Variants in CNBD1 observed in about 807,000 individuals in gnomAD.
CNBD1 encodes the protein cyclic nucleotide binding domain containing 1, also known as cyclic nucleotide-binding domain-containing protein 1.
In CNBD1, 71 loss-of-function variants were observed where a neutral mutation model predicts 54.4. The ratio of observed to expected loss-of-function variants is 1.30; its 90% CI spans 1.08 to 1.59. CNBD1 has a LOEUF of 1.59. CNBD1 is among the 40% of genes most tolerant of loss of function. CNBD1 has a pLI of 0.00. For missense variants in CNBD1, 659 were observed against 518.0 expected (o/e 1.27, Z -2.64); for synonymous variants, 182 against 170.7 (o/e 1.07, Z -0.51).
chr8:87,371,509 C>T (rs1012116177), intron 10 of CNBD1, among the ~76,000 whole-genome samples: 5 of 151,884 alleles, frequency 3.3e-5, no homozygotes, highest in African/African-American at 1.2e-4. Flanking sequence ...CATCCTGATA[C>T]CAAAGCCAGG....
chr8:87,200,757 C>T (rs1813842794), intron 4 of CNBD1, among the ~76,000 whole-genome samples: 2 of 151,976 alleles, frequency 1.3e-5, no homozygotes, highest in South Asian at 4.2e-4. Flanking sequence ...ATTAAATTGC[C>T]AAGTAAAGAA....
intron 4 of CNBD1, among the ~76,000 whole-genome samples, chr8:86,987,014 A>G (rs1303665974): frequency 2.6e-5 from 4 of 152,314 alleles, no homozygotes; most frequent in Non-Finnish European, 5.9e-5. Context: ...TTGCATATAA[A>G]TTCTAGAATA....
chr8:86,965,268 G>A (rs1041771874), intron 4 of CNBD1, among the ~76,000 whole-genome samples: 3 of 152,154 alleles, frequency 2.0e-5, no homozygotes, highest in African/African-American at 7.2e-5. Flanking sequence ...TCCTAGCGCG[G>A]ACACCCTAAT....
chr8:87,249,847 A>G (rs7013463), intron 6 of CNBD1, among the ~76,000 whole-genome samples: 1,817 of 152,280 alleles, frequency 0.012, 18 homozygotes, highest in Middle Eastern at 0.031. Context: ...GGACCCTTGA[A>G]CTTAAATATA....
chr8:87,254,637 C>G (rs1807976567), intron 6 of CNBD1, among the ~76,000 whole-genome samples: 1 of 152,084 alleles, frequency 6.6e-6, no homozygotes, highest in South Asian at 2.1e-4. Flanking sequence ...ATTTGGAACC[C>G]TCATTCATTA....
chr8:87,338,255 T>C (rs971556131), intron 8 of CNBD1, among the ~76,000 whole-genome samples: 1 of 152,222 alleles, frequency 6.6e-6, no homozygotes. Flanking sequence ...TAAGCATAAA[T>C]ATCTATTATC....
intron 5 of CNBD1, among the ~76,000 whole-genome samples, chr8:87,228,943 T>C (rs1278771804): frequency 6.6e-6 from 1 of 152,148 alleles, no homozygotes; most frequent in Non-Finnish European, 1.5e-5. Flanking sequence ...AATCTCATGG[T>C]GCGCCGTTTT....
intron 8 of CNBD1, among the ~76,000 whole-genome samples, chr8:87,302,472 A>C (rs1809026686): frequency 6.6e-6 from 1 of 151,972 alleles, no homozygotes. Flanking sequence ...TAAATTAGGT[A>C]TTGATGGGAC....
intron 4 of CNBD1, among the ~76,000 whole-genome samples, chr8:87,152,781 C>G (rs1440660802): frequency 6.6e-6 from 1 of 151,960 alleles, no homozygotes; most frequent in Non-Finnish European, 1.5e-5. Flanking sequence ...GTTTTAAAAA[C>G]AAAAGGAAAT....
chr8:87,098,214 A>G (rs894201086), intron 4 of CNBD1, among the ~76,000 whole-genome samples: 1 of 152,256 alleles, frequency 6.6e-6, no homozygotes, highest in African/African-American at 2.4e-5. Flanking sequence ...GTCTAGGCAC[A>G]AGTAAGTCTG....
chr8:87,371,605 T>G (rs1269290770), intron 10 of CNBD1, among the ~76,000 whole-genome samples: 1 of 151,964 alleles, frequency 6.6e-6, no homozygotes, highest in Non-Finnish European at 1.5e-5. Flanking sequence ...ACTGGCAAAC[T>G]GAATCCAGCA....
intron 3 of CNBD1, among the ~76,000 whole-genome samples, chr8:86,914,711 T>G (rs1026749364): frequency 6.6e-6 from 1 of 151,874 alleles, no homozygotes; most frequent in Non-Finnish European, 1.5e-5. Context: ...AAATCTTGAA[T>G]GATATCTACC....
intron 4 of CNBD1, among the ~76,000 whole-genome samples, chr8:86,978,353 C>T (rs1023862611): frequency 3.9e-5 from 6 of 151,970 alleles, no homozygotes; most frequent in African/African-American, 1.4e-4. Flanking sequence ...ACTCTTTAAT[C>T]TTACCCTCTA....
At chr8:87,374,492 C>T (rs1320114604) in intron 10 of CNBD1, among the ~76,000 whole-genome samples, 2 of 151,210 alleles carry the variant, frequency 1.3e-5, no homozygotes, top group Admixed American at 6.6e-5. Context: ...ATTTTCATTG[C>T]CCGTCTTTAC....
chr8:87,109,962 T>G (rs191942697), intron 4 of CNBD1, among the ~76,000 whole-genome samples: 58 of 152,320 alleles, frequency 3.8e-4, no homozygotes, highest in Admixed American at 1.2e-3. Flanking sequence ...CCAGGCCTTC[T>G]TTTTCCTGAT....
At chr8:87,084,864 G>A (rs569083619) in intron 4 of CNBD1, among the ~76,000 whole-genome samples, 127 of 152,016 alleles carry the variant, frequency 8.4e-4, no homozygotes, top group African/African-American at 2.8e-3. Flanking sequence ...TAGTTGAGAC[G>A]GGGTTTTTCC....
intron 3 of CNBD1, among the ~76,000 whole-genome samples, chr8:86,925,523 G>A (rs1172678376): frequency 1.6e-5 from 2 of 128,280 alleles, no homozygotes; most frequent in African/African-American, 5.7e-5. Flanking sequence ...GTGTGTGTGT[G>A]TGTCCCTGTC....
chr8:87,270,352 A>G (rs1180033765), intron 6 of CNBD1, among the ~76,000 whole-genome samples: 1 of 152,044 alleles, frequency 6.6e-6, no homozygotes, highest in African/African-American at 2.4e-5. Context: ...GCCAACAAGC[A>G]TATGAAAAAA....
At chr8:87,233,462 T>C (rs1371768732) in intron 5 of CNBD1, among the ~76,000 whole-genome samples, 1 of 152,176 alleles carries the variant, frequency 6.6e-6, no homozygotes, top group Non-Finnish European at 1.5e-5. Flanking sequence ...GCATTATGTT[T>C]AAAAATATAT....
Sources: gnomAD v4.1 joint callset for allele counts (sites outside exome capture counted in the v4.1 genomes callset) on GRCh38, gnomAD v4.1.1 for gene constraint, MANE v1.5 for transcripts, NCBI Gene and HGNC (gene_info 2026-07-23, HGNC 2026-07-21) for gene names.